UNC13C: variants seen among roughly 807,000 people sequenced by gnomAD.
UNC13C encodes protein unc-13 homolog C.
In UNC13C, 174 loss-of-function variants were observed where a neutral mutation model predicts 245.4. The observed-to-expected ratio is 0.71, with a 90% confidence interval of 0.63 to 0.80. UNC13C has a LOEUF of 0.80. UNC13C is among the 30% of genes least tolerant of loss of function. The pLI, the probability that UNC13C is intolerant of heterozygous loss-of-function variation, is 0.00. For missense variants in UNC13C, 2,829 were observed against 2,602.9 expected, an observed-to-expected ratio of 1.09 and a Z score of -1.89; for synonymous variants, 992 against 895.1, an observed-to-expected ratio of 1.11 and a Z score of -1.93.
At position 54,552,663 on chromosome 15, in the gene UNC13C, ATTG is replaced by A. The variant is rs1194170274; in HGVS notation, c.5878-2767_5878-2765del. Among the ~76,000 whole-genome samples the A allele has an allele frequency of 1.1e-3, 93 of 82,882 alleles. 1 individual carries two copies. Among genetic ancestry groups the A allele is most frequent in the Non-Finnish European group, 1.7e-3 (87 of 51,054 alleles). 54.4% of individuals were successfully genotyped at this position (82,882 alleles called of 152,430 possible). A position where few individuals can be genotyped will look rare whatever the true frequency, so the allele number is the denominator to read the frequency against. On this transcript the variant is annotated intron_variant, in intron 28 of 32. Coordinates refer to ENST00000260323, the MANE Select transcript of UNC13C (RefSeq NM_001080534.3). ...TAATATAATTATATAATTATATTATATTGTACTATATAATATAATTATATAATT... is the reference window on the plus strand; with the variant it reads ...TAATATAATTATATAATTATATTATATACTATATAATATAATTATATAATT...
chr15:54,012,380 C>T (rs2140989682), intron 1 of UNC13C, among the ~76,000 whole-genome samples: 1 of 152,150 alleles, frequency 6.6e-6, no homozygotes, highest in African/African-American at 2.4e-5. Context: ...TCAATGTTTT[C>T]TAAATAATCA....
chr15:54,279,774 G>C (rs74015109), intron 10 of UNC13C, among the ~76,000 whole-genome samples: 2,717 of 152,232 alleles, frequency 0.018, 88 homozygotes, highest in African/African-American at 0.064. Context: ...TTAGATGTGG[G>C]AATGTGAAGC....
intron 19 of UNC13C, among the ~76,000 whole-genome samples, chr15:54,489,443 C>A (rs1439653117): frequency 6.6e-6 from 1 of 152,180 alleles, no homozygotes; most frequent in Non-Finnish European, 1.5e-5. Flanking sequence ...TAGAGTTACA[C>A]TGATACAGTT....
intron 1 of UNC13C, among the ~76,000 whole-genome samples, chr15:53,985,380 T>C (rs1040065355): frequency 6.6e-6 from 1 of 151,720 alleles, no homozygotes; most frequent in Admixed American, 6.6e-5. Flanking sequence ...TATTATACTT[T>C]AAGTTTTAGG....
chr15:54,194,805 G>A (rs1252006946), intron 4 of UNC13C, among the ~76,000 whole-genome samples: 1 of 152,132 alleles, frequency 6.6e-6, no homozygotes, highest in Non-Finnish European at 1.5e-5. Context: ...AGGCCTCTGA[G>A]TGGGCTTCTG....
rs1210690827 is a variant in UNC13C, at chr15:54,264,287, C to T, written c.3568C>T (p.Gln1190Ter). ...KNRPEVFEVI[Q>*]EMFQISKEDF... ...CCGGCCAGAAGTATTTGAAGTAATC[C>T]AGGAAATGTTTCAGATTTCTAAAGA... The change falls in exon 9 of 33, where the codon CAG (glutamine) becomes TAG (stop). Residue 1190 changes from glutamine to a stop codon, truncating the protein, a stop_gained. Transcript: ENST00000260323. LOFTEE classifies it high-confidence loss of function. The T allele has an allele frequency of 1.9e-6, 3 of 1,600,744 alleles. No homozygotes were observed.
chr15:54,134,924 T>C (rs1455546662), intron 2 of UNC13C, among the ~76,000 whole-genome samples: 2 of 152,336 alleles, frequency 1.3e-5, no homozygotes, highest in East Asian at 3.9e-4. Flanking sequence ...TACCAATTTA[T>C]GTTTCTGTCA....
At chr15:54,550,480 A>C (rs1272311275) in intron 28 of UNC13C, among the ~76,000 whole-genome samples, 2 of 152,130 alleles carry the variant, frequency 1.3e-5, no homozygotes, top group African/African-American at 4.8e-5. Context: ...TTCCTCCCCC[A>C]GCTGGTAGCT....
At chr15:54,583,977 C>G (rs369374262) in intron 30 of UNC13C, among the ~76,000 whole-genome samples, 3 of 152,182 alleles carry the variant, frequency 2.0e-5, no homozygotes, top group East Asian at 1.9e-4. Context: ...TCTGGCTCCC[C>G]GTGGCCTCCA....
chr15:54,567,970 G>A, intron 30 of UNC13C, 23 bp downstream of exon 30: 2 of 1,463,206 alleles, frequency 1.4e-6, no homozygotes, highest in African/African-American at 2.8e-5. Context: ...TAGGACCTGA[G>A]AATAAGGTAA....
At chr15:54,227,047 T>A (rs1300558895) in intron 4 of UNC13C, among the ~76,000 whole-genome samples, 1 of 152,134 alleles carries the variant, frequency 6.6e-6, no homozygotes, top group Non-Finnish European at 1.5e-5. Context: ...TCCTGAGTCC[T>A]TATACTTTGT....
At chr15:53,916,882 G>A in the UNC13C span, among the ~76,000 whole-genome samples, 1 of 152,172 alleles carries the variant, frequency 6.6e-6, no homozygotes, top group Non-Finnish European at 1.5e-5. Context: ...TGCTGTCAGA[G>A]TCTATATTCT....
At chr15:53,955,651 G>A in the UNC13C span, 1 of 152,160 alleles carries the variant, frequency 6.6e-6, no homozygotes, top group African/African-American at 2.4e-5. Context: ...TAAATGGGAA[G>A]TGGCAGCAGC....
At chr15:53,858,050 G>A in the UNC13C span, among the ~76,000 whole-genome samples, 1 of 152,068 alleles carries the variant, frequency 6.6e-6, no homozygotes, top group African/African-American at 2.4e-5. Context: ...CATTGTTTTA[G>A]GGCTTTTAAT....
rs118114655 is a variant in UNC13C at position 54,480,743 on chromosome 15, A to G, written c.4934-13865A>G. On this transcript the variant is annotated intron_variant, in intron 19 of 32. Transcript: ENST00000260323. ...CTATGAAATTTGTTACTAGAGAATT[A>G]TCGTGTTGCTTTGCAGGTGTCATGT... 4.5e-4 allele frequency among the ~76,000 whole-genome samples: 68 copies of G among 152,244 alleles called. 1 individual carries two copies. The East Asian group carries it at 8.9e-3, about 20-fold the overall frequency.
At chr15:54,295,629 G>T (rs1378426726) in intron 11 of UNC13C, among the ~76,000 whole-genome samples, 1 of 150,266 alleles carries the variant, frequency 6.7e-6, no homozygotes, top group Non-Finnish European at 1.5e-5. Context: ...TCCCAGCCTG[G>T]GTCACAGAGT....
intron 1 of UNC13C, among the ~76,000 whole-genome samples, chr15:53,992,489 G>T (rs927692993): frequency 6.6e-6 from 1 of 152,024 alleles, no homozygotes; most frequent in Non-Finnish European, 1.5e-5. Flanking sequence ...AGGATGAAGT[G>T]CTAGCCCCAA....
At chr15:53,994,489 A>G (rs1435639726) in intron 1 of UNC13C, among the ~76,000 whole-genome samples, 2 of 152,108 alleles carry the variant, frequency 1.3e-5, no homozygotes, top group African/African-American at 2.4e-5. Context: ...CAAGAATTAG[A>G]ATCAAATGAA....
At chr15:53,889,508 T>C in the UNC13C span, among the ~76,000 whole-genome samples, 1 of 152,174 alleles carries the variant, frequency 6.6e-6, no homozygotes, top group African/African-American at 2.4e-5. Flanking sequence ...ACAGAGACAA[T>C]TTGACTTCCT....
Sources: allele counts gnomAD v4.1 joint callset (sites outside exome capture counted in the v4.1 genomes callset), GRCh38; gene constraint gnomAD v4.1.1; transcripts MANE v1.5; gene names NCBI Gene and HGNC (gene_info 2026-07-23, HGNC 2026-07-21).